Variants in LCMT1 observed in about 807,000 individuals in gnomAD.
LCMT1 encodes the protein leucine carboxyl methyltransferase 1.
Under a neutral mutation model 47.7 loss-of-function variants are expected in LCMT1, and 32 were observed. That is an observed-to-expected ratio of 0.67 (90% confidence interval 0.51 to 0.90). The LOEUF (loss-of-function observed/expected upper bound fraction) is 0.90. LCMT1 is among the 40% of genes least tolerant of loss of function. LCMT1 has a pLI of 0.00. For synonymous variants in LCMT1, 152 were observed against 149.7 expected (o/e 1.02, Z -0.11); for missense variants, 375 against 415.2 (o/e 0.90, Z 0.84).
intron 1 of LCMT1, among the ~76,000 whole-genome samples, chr16:25,124,725 T>C (rs933258221): frequency 6.6e-6 from 1 of 152,230 alleles, no homozygotes; most frequent in Non-Finnish European, 1.5e-5. Flanking sequence ...ATTGTTCCAG[T>C]TGACGCTCGT....
intron 4 of LCMT1, chr16:25,148,035 T>C (rs1960923654): frequency 6.6e-6 from 1 of 152,142 alleles, no homozygotes; most frequent in South Asian, 2.1e-4. Context: ...CTTGTCTTAT[T>C]AAAGGACCAG....
chr16:25,139,883 C>T (rs553488725), intron 3 of LCMT1, among the ~76,000 whole-genome samples: 2 of 152,276 alleles, frequency 1.3e-5, no homozygotes, highest in South Asian at 2.1e-4. Flanking sequence ...AAGCACCTCT[C>T]AGCTCCTCCC....
At chr16:25,175,717 C>T (rs865903735) in intron 10 of LCMT1, among the ~76,000 whole-genome samples, 2 of 152,244 alleles carry the variant, frequency 1.3e-5, no homozygotes, top group Middle Eastern at 3.4e-3. Context: ...AGGCATGAGC[C>T]ACTGTGCCTG....
chr16:25,175,843 T>C (rs1051931846), intron 10 of LCMT1, among the ~76,000 whole-genome samples: 3 of 152,146 alleles, frequency 2.0e-5, no homozygotes, highest in Non-Finnish European at 4.4e-5. Context: ...TGCTGTTATA[T>C]CTTTTGTGCT....
intron 5 of LCMT1, among the ~76,000 whole-genome samples, chr16:25,154,454 G>T (rs1961176748): frequency 6.8e-6 from 1 of 147,024 alleles, no homozygotes; most frequent in Non-Finnish European, 1.5e-5. Flanking sequence ...TTCCTTTTCA[G>T]TTTATAGGAA....
At chr16:25,118,413 C>G (rs141725011) in intron 1 of LCMT1, among the ~76,000 whole-genome samples, 19 of 152,264 alleles carry the variant, frequency 1.2e-4, no homozygotes, top group African/African-American at 4.3e-4. Flanking sequence ...TGCATTCACT[C>G]CACATTCTTT....
intron 7 of LCMT1, among the ~76,000 whole-genome samples, chr16:25,168,803 G>A (rs910523486): frequency 6.6e-5 from 10 of 152,140 alleles, no homozygotes; most frequent in Admixed American, 4.6e-4. Context: ...CTAATGCTGT[G>A]ATAAACATTC....
intron 6 of LCMT1, among the ~76,000 whole-genome samples, chr16:25,161,683 C>T (rs1009465599): frequency 2.0e-5 from 3 of 152,038 alleles, no homozygotes; most frequent in Non-Finnish European, 4.4e-5. Context: ...ATCAGAATCA[C>T]CTGTGTTACT....
chr16:25,150,915 G>C (rs1298323988), intron 4 of LCMT1, among the ~76,000 whole-genome samples: 1 of 152,040 alleles, frequency 6.6e-6, no homozygotes, highest in Admixed American at 6.6e-5. Flanking sequence ...CTGATGCTCT[G>C]GGAACTGCAA....
intron 7 of LCMT1, among the ~76,000 whole-genome samples, chr16:25,166,301 C>CCA (rs1013302018): frequency 6.6e-6 from 1 of 151,752 alleles, no homozygotes; most frequent in African/African-American, 2.4e-5. Flanking sequence ...AAAGAAATAC[C>CCA]CACTCTCCAG....
In LCMT1 at chr16:25,121,403, C is replaced by A. The variant is rs1403304104; in HGVS notation, c.114-7072C>A. Among the ~76,000 whole-genome samples the A allele has an allele frequency of 2.6e-5, 4 of 151,954 alleles. No homozygotes were observed. In the South Asian group the frequency reaches 8.3e-4, roughly 32 times the overall value. ...CCAGCCTGGTGACAGAGTGAGACTC[C>A]ATCTCAAAAGAAAAAGAAAAAGATA... is the stretch of plus-strand genomic sequence containing the variant. On this transcript the variant is annotated intron_variant, in intron 1 of 10. Transcript: ENST00000399069.
At chr16:25,171,946 T>G (rs1961788057) in intron 9 of LCMT1, among the ~76,000 whole-genome samples, 1 of 152,170 alleles carries the variant, frequency 6.6e-6, no homozygotes, top group African/African-American at 2.4e-5. Flanking sequence ...CCACCATCCT[T>G]TTTGAAAACA....
At chr16:25,155,659 CT>C (rs1961231028) in intron 5 of LCMT1, among the ~76,000 whole-genome samples, 1 of 149,904 alleles carries the variant, frequency 6.7e-6, no homozygotes, top group Non-Finnish European at 1.5e-5. Context: ...ATTTTACTTT[CT>C]TTTCTTTCTT....
intron 2 of LCMT1, among the ~76,000 whole-genome samples, chr16:25,129,542 CT>C (rs909676684): frequency 6.6e-6 from 1 of 152,042 alleles, no homozygotes; most frequent in East Asian, 1.9e-4. Context: ...TCAGGAATCA[CT>C]TTTTTTTCCC....
intron 1 of LCMT1, among the ~76,000 whole-genome samples, chr16:25,112,201 G>A (rs1341169908): frequency 6.6e-6 from 1 of 152,238 alleles, no homozygotes; most frequent in Non-Finnish European, 1.5e-5. Context: ...GAGCCAGGCA[G>A]GGGGCCAGCC....
intron 2 of LCMT1, among the ~76,000 whole-genome samples, chr16:25,131,905 C>A (rs1396318847): frequency 2.0e-5 from 3 of 152,158 alleles, no homozygotes; most frequent in Non-Finnish European, 4.4e-5. Flanking sequence ...CTCTGCGACC[C>A]CCATTTTACA....
chr16:25,169,673 A>G (rs554004889), intron 8 of LCMT1: 1 of 156,974 alleles, frequency 6.4e-6, no homozygotes, highest in East Asian at 1.8e-4. Flanking sequence ...TGATAATACC[A>G]TTTCACAGAT....
chr16:25,175,809 A>G (rs767686431), intron 10 of LCMT1, among the ~76,000 whole-genome samples: 3 of 152,110 alleles, frequency 2.0e-5, no homozygotes, highest in Admixed American at 1.3e-4. Flanking sequence ...ATGTACATGT[A>G]TCCGTGAGCA....
chr16:25,137,985 C>G (rs1960553306), intron 3 of LCMT1, among the ~76,000 whole-genome samples: 1 of 152,170 alleles, frequency 6.6e-6, no homozygotes, highest in African/African-American at 2.4e-5. Flanking sequence ...TGCTCCATCT[C>G]TTGTTACTGT....
Sources: allele counts gnomAD v4.1 joint callset (sites outside exome capture counted in the v4.1 genomes callset), GRCh38; gene constraint gnomAD v4.1.1; transcripts MANE v1.5; gene names NCBI Gene and HGNC (gene_info 2026-07-23, HGNC 2026-07-21).